The following SPMIP7 variants were observed in gnomAD, a reference collection of about 807,000 sequenced individuals.
The protein encoded by SPMIP7 is sperm microtubule inner protein 7.
the SPMIP7 span, chr7:50,104,434 G>T: frequency 8.7e-7 from 1 of 1,146,374 alleles, no homozygotes; most frequent in East Asian, 2.7e-5. Context: ...TCTGGGTGGT[G>T]TTATATATAA....
chr7:50,125,115 T>TATATATATATATACACAC, the SPMIP7 span, among the ~76,000 whole-genome samples: 1 of 25,416 alleles, frequency 3.9e-5, no homozygotes, highest in South Asian at 1.1e-3. Flanking sequence ...TATATATATA[T>TATATATATATATACACAC]ACACACACAC....
chr7:50,154,910 A>C, the SPMIP7 span, among the ~76,000 whole-genome samples: 2 of 152,190 alleles, frequency 1.3e-5, no homozygotes, highest in African/African-American at 2.4e-5. Context: ...GTGAGGTGAT[A>C]TCTCACTGTG....
chr7:50,130,092 T>C, the SPMIP7 span, among the ~76,000 whole-genome samples: 5 of 152,142 alleles, frequency 3.3e-5, no homozygotes, highest in African/African-American at 9.7e-5. Context: ...GGAGAATTCA[T>C]TGACTCAGTC....
chr7:50,146,248 C>T, the SPMIP7 span, among the ~76,000 whole-genome samples: 1 of 152,196 alleles, frequency 6.6e-6, no homozygotes, highest in African/African-American at 2.4e-5. Context: ...GATGAGGAGG[C>T]TGAGGCCAGA....
chr7:50,145,588 G>A, the SPMIP7 span, among the ~76,000 whole-genome samples: 11 of 66,622 alleles, frequency 1.7e-4, no homozygotes, highest in Non-Finnish European at 2.9e-4. Flanking sequence ...ATATATGTGC[G>A]TGTGTGTGTG....
chr7:50,158,745 C>A, the SPMIP7 span, among the ~76,000 whole-genome samples: 1 of 152,220 alleles, frequency 6.6e-6, no homozygotes, highest in East Asian at 1.9e-4. Flanking sequence ...CCCCGGCCAC[C>A]CCACCCAGAG....
At chr7:50,147,007 G>A in the SPMIP7 span, among the ~76,000 whole-genome samples, 581 of 152,310 alleles carry the variant, frequency 3.8e-3, 3 homozygotes, top group Middle Eastern at 0.014. Flanking sequence ...CACACAGCTG[G>A]TCAGGGCAGC....
the SPMIP7 span, among the ~76,000 whole-genome samples, chr7:50,148,514 A>G: frequency 6.6e-6 from 1 of 152,222 alleles, no homozygotes; most frequent in African/African-American, 2.4e-5. Context: ...TTTCAAAGGC[A>G]GTGGAAAAAA....
At chr7:50,154,386 C>T in the SPMIP7 span, among the ~76,000 whole-genome samples, 1 of 152,150 alleles carries the variant, frequency 6.6e-6, no homozygotes, top group Non-Finnish European at 1.5e-5. Flanking sequence ...ACCTACATCT[C>T]CCGTTGCCTC....
chr7:50,150,423 T>A, the SPMIP7 span, among the ~76,000 whole-genome samples: 8 of 152,226 alleles, frequency 5.3e-5, no homozygotes, highest in Non-Finnish European at 1.5e-5. Flanking sequence ...GTGGCCTTTC[T>A]TATTCCTCCC....
the SPMIP7 span, among the ~76,000 whole-genome samples, chr7:50,145,127 G>A: frequency 2.0e-5 from 3 of 152,018 alleles, no homozygotes; most frequent in Admixed American, 6.5e-5. Context: ...GCCAGGCTTG[G>A]TGGTGAGCGC....
chr7:50,149,162 G>T, the SPMIP7 span, among the ~76,000 whole-genome samples: 4 of 151,636 alleles, frequency 2.6e-5, no homozygotes, highest in African/African-American at 9.7e-5. Flanking sequence ...AAAAAATGTG[G>T]GAGTGGGAGC....
At chr7:50,144,702 A>T in the SPMIP7 span, among the ~76,000 whole-genome samples, 4 of 152,172 alleles carry the variant, frequency 2.6e-5, no homozygotes, top group Non-Finnish European at 4.4e-5. Context: ...CAGGAACTCA[A>T]AATGTTAACG....
the SPMIP7 span, among the ~76,000 whole-genome samples, chr7:50,155,751 C>T: frequency 4.2e-5 from 1 of 23,674 alleles, no homozygotes. Flanking sequence ...CATCCAGATT[C>T]AGGCCCATAG....
the SPMIP7 span, among the ~76,000 whole-genome samples, chr7:50,111,911 A>T: frequency 1.3e-5 from 2 of 152,212 alleles, no homozygotes; most frequent in African/African-American, 4.8e-5. Flanking sequence ...TACAAGAATC[A>T]AAACAATCTA....
At chr7:50,096,540 C>G in the SPMIP7 span, 18 of 1,551,680 alleles carry the variant, frequency 1.2e-5, 1 homozygote, top group South Asian at 2.1e-4. Context: ...TTTCAAACAA[C>G]AATAAAAAGG....
the SPMIP7 span, chr7:50,141,747 T>TTTTTTTTTTTTTTG: frequency 6.3e-6 from 1 of 157,668 alleles, no homozygotes; most frequent in Non-Finnish European, 1.4e-5. Flanking sequence ...TTTTTTTTTT[T>TTTTTTTTTTTTTTG]GAGACGGAGT....
chr7:50,100,793 C>CA, the SPMIP7 span, among the ~76,000 whole-genome samples: 1 of 99,378 alleles, frequency 1.0e-5, no homozygotes, highest in African/African-American at 3.0e-5. Flanking sequence ...GCCTTGGCGA[C>CA]AGAGTGAGAT....
the SPMIP7 span, chr7:50,120,498 T>C: frequency 6.6e-6 from 1 of 152,292 alleles, no homozygotes; most frequent in Non-Finnish European, 1.5e-5. Context: ...TTGCCCATGG[T>C]GCTAAACAGA....
Sources: gnomAD v4.1 joint callset for allele counts (sites outside exome capture counted in the v4.1 genomes callset) on GRCh38, gnomAD v4.1.1 for gene constraint, MANE v1.5 for transcripts, NCBI Gene and HGNC (gene_info 2026-07-23, HGNC 2026-07-21) for gene names.